The following ROBO2 variants were observed in gnomAD, a reference collection of about 807,000 sequenced individuals.
The protein encoded by ROBO2 is roundabout guidance receptor 2.
In ROBO2, 53 loss-of-function variants were observed where a neutral mutation model predicts 160.8. That is an observed-to-expected ratio of 0.33 (90% CI 0.26 to 0.41). The LOEUF (loss-of-function observed/expected upper bound fraction) is 0.41. Among genes scored for constraint, ROBO2 ranks in the 10% least tolerant of loss-of-function variants. The probability of loss-of-function intolerance (pLI) is 1.00; values close to 1 mark genes in which losing one functional copy is unlikely to be tolerated. For synonymous variants in ROBO2, 664 were observed against 611.7 expected, an observed-to-expected ratio of 1.09 and a Z score of -1.26; for missense variants, 1,577 against 1,722.4, an observed-to-expected ratio of 0.92 and a Z score of 1.49.
At chr3:76,933,366 T>C (rs2324705) in intron 2 of ROBO2, among the ~76,000 whole-genome samples, 67,235 of 151,912 alleles carry the variant, frequency 0.44, 15,163 homozygotes, top group African/African-American at 0.51. Context: ...TTTTAGAACT[T>C]GCTTATTTGT....
chr3:77,256,478 A>C (rs1489383029), intron 2 of ROBO2, among the ~76,000 whole-genome samples: 1 of 152,198 alleles, frequency 6.6e-6, no homozygotes, highest in Non-Finnish European at 1.5e-5. Flanking sequence ...AAAGTAAATC[A>C]TGGGACATTC....
chr3:76,857,192 A>G (rs1037642325), intron 2 of ROBO2, among the ~76,000 whole-genome samples: 1 of 152,032 alleles, frequency 6.6e-6, no homozygotes, highest in Non-Finnish European at 1.5e-5. Flanking sequence ...TCACCGTGTT[A>G]GCCAGGATGG....
At chr3:77,128,142 G>A (rs1278396321) in intron 2 of ROBO2, among the ~76,000 whole-genome samples, 3 of 152,044 alleles carry the variant, frequency 2.0e-5, no homozygotes, top group Non-Finnish European at 1.5e-5. Flanking sequence ...GGTGATTATG[G>A]GAGGACTTCT....
At chr3:77,346,430 A>G (rs548091034) in intron 2 of ROBO2, among the ~76,000 whole-genome samples, 88 of 152,232 alleles carry the variant, frequency 5.8e-4, no homozygotes, top group Non-Finnish European at 1.0e-3. Flanking sequence ...CTATTTTAAA[A>G]TAATACTTAG....
intron 2 of ROBO2, among the ~76,000 whole-genome samples, chr3:76,697,275 T>C (rs920879004): frequency 6.6e-6 from 1 of 152,186 alleles, no homozygotes; most frequent in African/African-American, 2.4e-5. Context: ...TTTTCTGATA[T>C]TCATTTAATC....
At chr3:76,713,338 A>T (rs1194648580) in intron 2 of ROBO2, among the ~76,000 whole-genome samples, 1 of 152,160 alleles carries the variant, frequency 6.6e-6, no homozygotes, top group South Asian at 2.1e-4. Context: ...ATTTCTTTCT[A>T]GTTTTAATCA....
intron 2 of ROBO2, among the ~76,000 whole-genome samples, chr3:76,707,731 GTATATATATATATATA>G (rs56401900): frequency 7.5e-6 from 1 of 134,198 alleles, no homozygotes; most frequent in Non-Finnish European, 1.6e-5. Context: ...ACATGTGTGT[GTATATATATATATATA>G]TATATATATA....
chr3:76,299,569 G>C (rs1174891222), intron 2 of ROBO2, among the ~76,000 whole-genome samples: 15 of 152,090 alleles, frequency 9.9e-5, no homozygotes, highest in Non-Finnish European at 1.6e-4. Flanking sequence ...ATGGGGAGAT[G>C]ATGCAAGATT....
chr3:76,099,674 T>C (rs1405117634), intron 2 of ROBO2, among the ~76,000 whole-genome samples: 1 of 152,190 alleles, frequency 6.6e-6, no homozygotes, highest in Non-Finnish European at 1.5e-5. Context: ...AAGTACATTT[T>C]AATTGTTAAA....
chr3:76,952,679 C>CTG (rs1307945328), intron 2 of ROBO2, among the ~76,000 whole-genome samples: 1 of 151,694 alleles, frequency 6.6e-6, no homozygotes, highest in Non-Finnish European at 1.5e-5. Flanking sequence ...GTTAGTATAT[C>CTG]TGTGTGTGTA....
chr3:76,123,121 A>T (rs371513431), intron 2 of ROBO2, among the ~76,000 whole-genome samples: 2 of 152,256 alleles, frequency 1.3e-5, no homozygotes, highest in Admixed American at 1.3e-4. Context: ...CTGGTTTGCC[A>T]TATCTTCCCT....
intron 2 of ROBO2, among the ~76,000 whole-genome samples, chr3:77,194,962 G>T (rs1038998739): frequency 1.4e-4 from 21 of 151,978 alleles, no homozygotes; most frequent in Admixed American, 9.2e-4. Context: ...TTGGAAGAAA[G>T]AATTTCATAA....
intron 2 of ROBO2, among the ~76,000 whole-genome samples, chr3:76,247,858 G>A (rs1452956875): frequency 6.6e-6 from 1 of 151,756 alleles, no homozygotes; most frequent in Non-Finnish European, 1.5e-5. Context: ...CTCAAAAGAA[G>A]ACATTTATGC....
intron 2 of ROBO2, among the ~76,000 whole-genome samples, chr3:76,613,009 C>T (rs572774354): frequency 6.6e-5 from 10 of 152,094 alleles, no homozygotes; most frequent in Non-Finnish European, 8.8e-5. Flanking sequence ...ACAGATGATT[C>T]GGTCTTGTTT....
chr3:76,326,650 G>C (rs2073050687), intron 2 of ROBO2, among the ~76,000 whole-genome samples: 1 of 151,208 alleles, frequency 6.6e-6, no homozygotes, highest in African/African-American at 2.4e-5. Context: ...TTAAGTTTTA[G>C]GGTACATGTG....
intron 2 of ROBO2, among the ~76,000 whole-genome samples, chr3:77,472,608 T>C (rs1475858435): frequency 6.6e-6 from 1 of 152,168 alleles, no homozygotes; most frequent in Non-Finnish European, 1.5e-5. Context: ...TCTAGCCAAT[T>C]ACATATCCCC....
At chr3:77,358,941 G>T (rs2069526284) in intron 2 of ROBO2, among the ~76,000 whole-genome samples, 1 of 152,192 alleles carries the variant, frequency 6.6e-6, no homozygotes, top group South Asian at 2.1e-4. Flanking sequence ...ATCTGTTGCT[G>T]AGTATGCTTT....
intron 2 of ROBO2, among the ~76,000 whole-genome samples, chr3:76,811,628 C>T (rs2065163337): frequency 6.6e-6 from 1 of 152,104 alleles, no homozygotes; most frequent in African/African-American, 2.4e-5. Context: ...CTTGTGTCCT[C>T]TGAGCTAGAA....
intron 2 of ROBO2, among the ~76,000 whole-genome samples, chr3:76,425,148 G>A (rs1032770954): frequency 6.6e-6 from 1 of 151,938 alleles, no homozygotes; most frequent in Non-Finnish European, 1.5e-5. Flanking sequence ...TTTCTAATCC[G>A]GGGCCTTTCC....
Sources: gnomAD v4.1 joint callset for allele counts (sites outside exome capture counted in the v4.1 genomes callset) on GRCh38, gnomAD v4.1.1 for gene constraint, MANE v1.5 for transcripts, NCBI Gene and HGNC (gene_info 2026-07-23, HGNC 2026-07-21) for gene names.